The following MAML3 variants were observed in gnomAD, a reference collection of about 807,000 sequenced individuals.
MAML3 encodes mastermind-like protein 3.
Under a neutral mutation model 101.9 loss-of-function variants are expected in MAML3, and 27 were observed. The ratio of observed to expected loss-of-function variants is 0.27; its 90% CI spans 0.20 to 0.37. MAML3 has a LOEUF of 0.37. MAML3 is among the 10% of genes least tolerant of loss of function. The probability of loss-of-function intolerance (pLI) is 1.00; values close to 1 mark genes in which losing one functional copy is unlikely to be tolerated. For missense variants in MAML3, 1,316 were observed against 1,444.9 expected (o/e 0.91, Z 1.45); for synonymous variants, 501 against 555.9 (o/e 0.90, Z 1.39).
intron 2 of MAML3, among the ~76,000 whole-genome samples, chr4:139,815,140 G>A (rs1399612551): frequency 2.0e-5 from 3 of 152,280 alleles, no homozygotes; most frequent in Middle Eastern, 6.8e-3. Flanking sequence ...TAGAAAGCCC[G>A]ACTTATGAAT....
chr4:140,055,582 T>A (rs6830177), intron 1 of MAML3, among the ~76,000 whole-genome samples: 52,803 of 152,030 alleles, frequency 0.35, 9,546 homozygotes, highest in Middle Eastern at 0.37. Context: ...TTCTGCAAAA[T>A]CCCCAGATTC....
In MAML3 at chr4:139,889,596, G is replaced by T; in HGVS notation, c.1840C>A (p.Gln614Lys). 6.2e-7 allele frequency: 1 copy of T among 1,613,932 alleles called. No homozygotes were observed. The highest frequency in any genetic ancestry group is 8.5e-7 in the Non-Finnish European group (1 of 1,179,892). ...TTGGCCACTGGTGGTGTCATCCTCTGACTCAGGTCTGCATTGAAGTGGGTC... is the reference window on the plus strand; with the variant it reads ...TTGGCCACTGGTGGTGTCATCCTCTTACTCAGGTCTGCATTGAAGTGGGTC... The part of the protein sequence containing the change: ...PLTHFNADLS[Q>K]RMTPPVANPN... The change falls in exon 2 of 5, where the codon CAG becomes AAG. Residue 614 changes from glutamine (Q) to lysine (K), a missense_variant. Gln to Lys is a moderately conservative substitution (Grantham distance 53). Coordinates refer to ENST00000509479, the MANE Select transcript of MAML3 (RefSeq NM_018717.5).
intron 2 of MAML3, among the ~76,000 whole-genome samples, chr4:139,819,055 A>C (rs1730933830): frequency 6.6e-6 from 1 of 152,222 alleles, no homozygotes; most frequent in African/African-American, 2.4e-5. Flanking sequence ...GGAGAGAAAC[A>C]AACAGCCAGC....
rs542124788 is a variant in MAML3, at chr4:140,066,748, G to A, written c.468+86112C>T. Among the ~76,000 whole-genome samples, 6 of 152,284 alleles carry A rather than the reference G, an allele frequency of 3.9e-5. No individual in the cohort carries two copies. In the South Asian group the frequency reaches 1.2e-3, roughly 32 times the overall value. On this transcript the variant is annotated intron_variant, in intron 1 of 4. Coordinates refer to ENST00000509479, the MANE Select transcript of MAML3 (RefSeq NM_018717.5). ...CCTGGCCTAGAATAGCCAAACACTTGTCAGGCAGTGCCAGGACTGCCCCAG... is the reference window on the plus strand; with the variant it reads ...CCTGGCCTAGAATAGCCAAACACTTATCAGGCAGTGCCAGGACTGCCCCAG...
intron 1 of MAML3, among the ~76,000 whole-genome samples, chr4:139,922,446 G>A (rs1278203475): frequency 6.6e-6 from 1 of 151,824 alleles, no homozygotes; most frequent in Non-Finnish European, 1.5e-5. Context: ...AGAGAGAACG[G>A]TGGGTCCCTA....
At chr4:139,787,292 A>C (rs1245114629) in intron 2 of MAML3, among the ~76,000 whole-genome samples, 1 of 152,220 alleles carries the variant, frequency 6.6e-6, no homozygotes, top group Non-Finnish European at 1.5e-5. Context: ...ATCTACAACT[A>C]CGGAACACTG....
intron 2 of MAML3, among the ~76,000 whole-genome samples, chr4:139,806,519 G>A (rs1436840467): frequency 6.6e-6 from 1 of 152,104 alleles, no homozygotes; most frequent in Non-Finnish European, 1.5e-5. Context: ...AGCATAAATT[G>A]ATAAGATCTT....
intron 1 of MAML3, among the ~76,000 whole-genome samples, chr4:140,047,611 C>A (rs1727203032): frequency 6.6e-6 from 1 of 152,072 alleles, no homozygotes; most frequent in African/African-American, 2.4e-5. Flanking sequence ...CCCAACCAAC[C>A]GGCCAACTGC....
chr4:139,746,686 C>T (rs972250438), intron 2 of MAML3, among the ~76,000 whole-genome samples: 2 of 152,182 alleles, frequency 1.3e-5, no homozygotes, highest in African/African-American at 2.4e-5. Context: ...ACTGGACCTC[C>T]GCAGGCAGCC....
intron 1 of MAML3, among the ~76,000 whole-genome samples, chr4:140,092,113 T>A (rs1278817950): frequency 7.3e-6 from 1 of 137,194 alleles, no homozygotes; most frequent in Non-Finnish European, 1.6e-5. Context: ...CGTATATATA[T>A]ATATACGTAT....
intron 2 of MAML3, among the ~76,000 whole-genome samples, chr4:139,867,539 C>A (rs1415306373): frequency 6.6e-6 from 1 of 152,184 alleles, no homozygotes; most frequent in Non-Finnish European, 1.5e-5. Flanking sequence ...ACTATCATCT[C>A]ATTTGGCCAA....
intron 2 of MAML3, among the ~76,000 whole-genome samples, chr4:139,767,766 CTG>C (rs1053298593): frequency 2.6e-5 from 4 of 152,248 alleles, no homozygotes; most frequent in Non-Finnish European, 5.9e-5. Flanking sequence ...GCATGCAAAA[CTG>C]TGTGTGTGCA....
chr4:140,066,985 A>T (rs1489089827), intron 1 of MAML3, among the ~76,000 whole-genome samples: 1 of 152,222 alleles, frequency 6.6e-6, no homozygotes, highest in Admixed American at 6.5e-5. Flanking sequence ...TTTTATGTAA[A>T]TGGGTTAGGG....
chr4:139,945,812 T>C (rs1255732576), intron 1 of MAML3, among the ~76,000 whole-genome samples: 1 of 152,252 alleles, frequency 6.6e-6, no homozygotes, highest in Non-Finnish European at 1.5e-5. Flanking sequence ...CTACCTTTCC[T>C]TGTACATCAT....
At chr4:139,943,701 T>C (rs1413494519) in intron 1 of MAML3, among the ~76,000 whole-genome samples, 1 of 152,140 alleles carries the variant, frequency 6.6e-6, no homozygotes, top group African/African-American at 2.4e-5. Context: ...TGAATGTACA[T>C]GGATTTACCT....
At chr4:140,109,245 C>T (rs2111008592) in intron 1 of MAML3, among the ~76,000 whole-genome samples, 1 of 152,328 alleles carries the variant, frequency 6.6e-6, no homozygotes, top group South Asian at 2.1e-4. Context: ...TATCCTCCTA[C>T]ATTCAAGTAG....
chr4:140,039,299 A>C (rs1202167767), intron 1 of MAML3, among the ~76,000 whole-genome samples: 1 of 152,108 alleles, frequency 6.6e-6, no homozygotes, highest in Non-Finnish European at 1.5e-5. Flanking sequence ...CAGTCCTATC[A>C]TGTCCCAACC....
chr4:139,884,831 T>C (rs998254003), intron 2 of MAML3, among the ~76,000 whole-genome samples: 3 of 152,264 alleles, frequency 2.0e-5, no homozygotes, highest in Non-Finnish European at 2.9e-5. Flanking sequence ...TGACCCAAAC[T>C]TTGATGATCA....
chr4:139,899,710 C>T (rs1224480901), intron 1 of MAML3, among the ~76,000 whole-genome samples: 2 of 152,206 alleles, frequency 1.3e-5, no homozygotes, highest in African/African-American at 4.8e-5. Context: ...CCTTGGTAAT[C>T]TTATAGACTC....
Sources: allele counts gnomAD v4.1 joint callset (sites outside exome capture counted in the v4.1 genomes callset), GRCh38; gene constraint gnomAD v4.1.1; transcripts MANE v1.5; gene names NCBI Gene and HGNC (gene_info 2026-07-23, HGNC 2026-07-21).